The following ZFHX4 variants were observed in gnomAD, a reference collection of about 807,000 sequenced individuals.
ZFHX4 encodes the protein zinc finger homeobox 4.
In ZFHX4, 56 loss-of-function variants were observed where a neutral mutation model predicts 267.6. The observed-to-expected ratio is 0.21, with a 90% CI of 0.17 to 0.26. ZFHX4 has a LOEUF of 0.26. ZFHX4 is among the 10% of genes least tolerant of loss of function. ZFHX4 has a pLI of 1.00. For synonymous variants in ZFHX4, 1,778 were observed against 1,665.6 expected (o/e 1.07, Z -1.64); for missense variants, 4,332 against 4,420.0 (o/e 0.98, Z 0.56).
intron 4 of ZFHX4, among the ~76,000 whole-genome samples, chr8:76,810,640 A>G (rs1274350712): frequency 1.3e-5 from 2 of 152,174 alleles, no homozygotes; most frequent in African/African-American, 2.4e-5. Flanking sequence ...CGGCTTCTGT[A>G]TGGATGAAAC....
At chr8:76,759,404 C>T (rs1446000676) in intron 3 of ZFHX4, among the ~76,000 whole-genome samples, 1 of 152,218 alleles carries the variant, frequency 6.6e-6, no homozygotes, top group Non-Finnish European at 1.5e-5. Context: ...GGCTGACTCT[C>T]AGCTTTTCAC....
chr8:76,715,228 C>T (rs908007624), intron 3 of ZFHX4, among the ~76,000 whole-genome samples: 1 of 152,014 alleles, frequency 6.6e-6, no homozygotes, highest in African/African-American at 2.4e-5. Flanking sequence ...CGTGGTGGCT[C>T]ACGCCTGTGA....
At chr8:76,695,302 A>G (rs747852647) in intron 1 of ZFHX4, among the ~76,000 whole-genome samples, 1 of 152,254 alleles carries the variant, frequency 6.6e-6, no homozygotes, top group Non-Finnish European at 1.5e-5. Context: ...GAAGACCTGC[A>G]TGATGTACCA....
chr8:76,689,877 T>C (rs999181408), intron 1 of ZFHX4, among the ~76,000 whole-genome samples: 1 of 152,152 alleles, frequency 6.6e-6, no homozygotes, highest in African/African-American at 2.4e-5. Flanking sequence ...TTATCTCTAA[T>C]ATAATTAACC....
chr8:76,684,560 G>A (rs901456742), intron 1 of ZFHX4, among the ~76,000 whole-genome samples: 16 of 152,124 alleles, frequency 1.1e-4, no homozygotes, highest in African/African-American at 3.6e-4. Context: ...AATGAAATAT[G>A]GGGGAAATAT....
chr8:76,850,883 T>C lies in ZFHX4; in HGVS notation c.3965-3T>C. 6.3e-7 allele frequency: 1 copy of C among 1,580,630 alleles called. No homozygotes were observed. Among genetic ancestry groups the C allele is most frequent in the Non-Finnish European group, 8.6e-7 (1 of 1,166,270 alleles). On this transcript the variant is annotated splice_region_variant and splice_polypyrimidine_tract_variant and intron_variant, in intron 9 of 10. Coordinates refer to ENST00000651372, the MANE Select transcript of ZFHX4 (RefSeq NM_024721.5). ...GAGAGATGTTTGTGCTTTTTCCTAA[T>C]AGGTGAAAGTCCAATGGATGACAAA... is the stretch of plus-strand genomic sequence containing the variant.
intron 3 of ZFHX4, among the ~76,000 whole-genome samples, chr8:76,715,344 T>C (rs1417735580): frequency 6.6e-6 from 1 of 151,584 alleles, no homozygotes; most frequent in Non-Finnish European, 1.5e-5. Context: ...TAGCCAGCAA[T>C]GGTGGTGCGC....
Position 76,855,775 on chromosome 8 carries a change from C to A in ZFHX4, c.8854C>A (p.Arg2952=), listed in dbSNP as rs1230276889. ...TCTCAAGGCTTGCTTTAGTGACTAC[C>A]GAACTCCAACCATGCAAGAATGTGA... The part of the protein sequence containing the change: ...KVLKACFSDY[R]TPTMQECEML... The change falls in exon 10 of 11, where the codon CGA becomes AGA. Residue 2952 remains arginine (R), a synonymous_variant. Coordinates refer to ENST00000651372, the MANE Select transcript of ZFHX4 (RefSeq NM_024721.5). 1.2e-6 allele frequency: 2 copies of A among 1,613,884 alleles called. No homozygotes were observed. Among genetic ancestry groups the A allele is most frequent in the South Asian group, 1.1e-5 (1 of 91,068 alleles).
intron 4 of ZFHX4, among the ~76,000 whole-genome samples, chr8:76,800,116 G>A (rs1036601824): frequency 9.2e-5 from 14 of 152,118 alleles, no homozygotes; most frequent in African/African-American, 3.4e-4. Flanking sequence ...GGAGGAAGGG[G>A]AGGCTCCTCC....
At chr8:76,835,945 A>C (rs989165035) in intron 5 of ZFHX4, among the ~76,000 whole-genome samples, 1 of 152,186 alleles carries the variant, frequency 6.6e-6, no homozygotes, top group Non-Finnish European at 1.5e-5. Flanking sequence ...TAAATACAAC[A>C]AATTCCAAAT....
At chr8:76,696,672 CA>C (rs1807965843) in intron 1 of ZFHX4, among the ~76,000 whole-genome samples, 1 of 142,576 alleles carries the variant, frequency 7.0e-6, no homozygotes, top group Non-Finnish European at 1.5e-5. Context: ...AATCCCCAAA[CA>C]AAAGGCTCTT....
intron 3 of ZFHX4, among the ~76,000 whole-genome samples, chr8:76,719,150 ATG>A (rs10589034): frequency 0.025 from 3,293 of 134,162 alleles, 58 homozygotes; most frequent in Admixed American, 0.062. Context: ...GATGAATTGC[ATG>A]TGTGTGTGTG....
rs1808216268 is a variant in ZFHX4 at position 76,705,144 on chromosome 8, C to T, written c.1056C>T (p.Asn352=). 1.2e-6 allele frequency: 2 copies of T among 1,613,838 alleles called. No individual in the cohort carries two copies. Among genetic ancestry groups the T allele is most frequent in the Non-Finnish European group, 1.7e-6 (2 of 1,179,888 alleles). The change falls in exon 2 of 11, where the codon AAC becomes AAT. Residue 352 remains asparagine, a synonymous_variant. Transcript: ENST00000651372. ...TSVYPHFSTT[N]LIGPDPTFRG... The stretch of plus-strand genomic sequence containing the variant: ...TTTATCCCCATTTTTCTACTACAAA[C>T]CTCATAGGACCCGATCCAACCTTCC...
intron 1 of ZFHX4, among the ~76,000 whole-genome samples, chr8:76,690,803 G>C (rs1166082485): frequency 6.6e-6 from 1 of 151,782 alleles, no homozygotes; most frequent in Non-Finnish European, 1.5e-5. Context: ...TGCATTCCTA[G>C]TGGTAGCTTG....
chr8:76,851,308 T>C lies in ZFHX4; in HGVS notation c.4387T>C (p.Leu1463=). 1 of 1,613,752 alleles carries C rather than the reference T, an allele frequency of 6.2e-7. No homozygotes were observed. The highest frequency in any genetic ancestry group is 8.5e-7 in the Non-Finnish European group (1 of 1,179,814). The part of the protein sequence containing the change: ...EAELQQLYAS[L]PVNGELWAES... ...TGAACTTCAACAGCTATATGCCTCC[T>C]TGCCCGTGAATGGAGAACTGTGGGC... is the stretch of plus-strand genomic sequence containing the variant. Residue 1463 remains leucine (L), a synonymous_variant, in exon 10 of 11, where the codon TTG becomes CTG. Coordinates refer to ENST00000651372, the MANE Select transcript of ZFHX4 (RefSeq NM_024721.5).
At chr8:76,732,270 T>G (rs1809040900) in intron 3 of ZFHX4, among the ~76,000 whole-genome samples, 1 of 152,150 alleles carries the variant, frequency 6.6e-6, no homozygotes, top group Non-Finnish European at 1.5e-5. Flanking sequence ...ATGTATGTCA[T>G]TAATATTAGC....
At chr8:76,729,580 T>C (rs778503243) in intron 3 of ZFHX4, among the ~76,000 whole-genome samples, 6 of 152,210 alleles carry the variant, frequency 3.9e-5, no homozygotes, top group Admixed American at 2.0e-4. Context: ...TCCCATGAGA[T>C]AGATGGCTCG....
rs149847114 is a variant in ZFHX4 at position 76,862,994 on chromosome 8, T to C, written c.9380-100T>C. On this transcript the variant is annotated intron_variant, in intron 10 of 10. Transcript: ENST00000651372. ...TGTGTGTAATACATCTTTTCTGATA[T>C]AGCAATGTCCTTAGTGAGTTCTATT... 11,972 of 1,412,100 alleles carry C rather than the reference T, an allele frequency of 8.5e-3. 70 individuals are homozygous for C. The highest frequency in any genetic ancestry group is 0.012 in the South Asian group (692 of 59,898). The allele number at this position is 1,412,100 out of a possible 1,614,324, so 87.5% of individuals were successfully genotyped here. A position where few individuals can be genotyped will look rare whatever the true frequency, so the allele number is the denominator to read the frequency against.
intron 3 of ZFHX4, among the ~76,000 whole-genome samples, chr8:76,755,242 G>T (rs1809732040): frequency 6.6e-6 from 1 of 151,998 alleles, no homozygotes; most frequent in Admixed American, 6.6e-5. Flanking sequence ...CTAGCCCGTT[G>T]TTATATATGG....
Sources: gnomAD v4.1 joint callset for allele counts (sites outside exome capture counted in the v4.1 genomes callset) on GRCh38, gnomAD v4.1.1 for gene constraint, MANE v1.5 for transcripts, NCBI Gene and HGNC (gene_info 2026-07-23, HGNC 2026-07-21) for gene names.